AVIL: variants seen among roughly 807,000 people sequenced by gnomAD.
The protein encoded by AVIL is advillin.
Under a neutral mutation model 109.9 loss-of-function variants are expected in AVIL, and 78 were observed. The observed-to-expected ratio is 0.71, with a 90% CI of 0.59 to 0.86. The LOEUF (loss-of-function observed/expected upper bound fraction) is 0.86, where lower values mean the gene tolerates loss of function less well. Among genes scored for constraint, AVIL ranks in the 40% least tolerant of loss-of-function variants. AVIL has a pLI of 0.00. For missense variants in AVIL, 892 were observed against 1,016.5 expected (o/e 0.88, Z 1.67); for synonymous variants, 367 against 379.1 (o/e 0.97, Z 0.37).
chr12:57,811,654 A>G (rs2140456905), intron 4 of AVIL, among the ~76,000 whole-genome samples: 1 of 152,254 alleles, frequency 6.6e-6, no homozygotes, highest in East Asian at 1.9e-4. Flanking sequence ...GCCCTGGAGC[A>G]GAGGGGCTCT....
At chr12:57,817,225 TG>T (rs1391113974) in intron 1 of AVIL, among the ~76,000 whole-genome samples, 2 of 152,028 alleles carry the variant, frequency 1.3e-5, no homozygotes, top group Non-Finnish European at 2.9e-5. Context: ...GATGGATTTA[TG>T]TAAGATTTAA....
At position 57,810,303 on chromosome 12, in the gene AVIL, T is replaced by A. The variant is rs763737242; in HGVS notation, c.761+46A>T. On this transcript the variant is annotated intron_variant, in intron 7 of 19. Transcript: ENST00000549994. The stretch of plus-strand genomic sequence containing the variant: ...GTGGCTGGTGTTCTAGGGGACACCT[T>A]CCCCCCAACCCCAGCTTCCAGCTAA... The A allele has an allele frequency of 9.5e-6, 15 of 1,577,494 alleles. 1 individual carries two copies. In the South Asian group the frequency reaches 1.7e-4, roughly 17 times the overall value.
At position 57,807,681 on chromosome 12, in the gene AVIL, C is replaced by T; in HGVS notation, c.1241G>A (p.Trp414Ter). 1 of 1,614,138 alleles carries T rather than the reference C, an allele frequency of 6.2e-7. No homozygotes were observed. The highest frequency in any genetic ancestry group is 8.5e-7 in the Non-Finnish European group (1 of 1,180,042). Residue 414 changes from tryptophan (W) to a stop codon, truncating the protein, a stop_gained, in exon 12 of 20, where the codon TGG becomes TAG. Coordinates refer to ENST00000549994, the MANE Select transcript of AVIL (RefSeq NM_006576.4). LOFTEE classifies it high-confidence loss of function. ...NLELVPVEYQ[W>*]YGFFYGGDCY... is the part of the protein sequence containing the mutation. ...GTCTCCCCCATAAAAGAAGCCATAC[C>T]ATTGATACTCCACAGGGACCAGCTC...
rs144854882 is a variant in AVIL, at chr12:57,799,868, T to C, written c.2273A>G (p.Tyr758Cys). 7.9e-5 allele frequency: 127 copies of C among 1,614,160 alleles called. No homozygotes were observed. Among genetic ancestry groups the C allele is most frequent in the Middle Eastern group, 4.9e-4 (3 of 6,062 alleles). ...SLNSNDSEPK[Y>C]YPIAVLLKNQ... The stretch of plus-strand genomic sequence containing the variant: ...TTTCAACAGAACTGCTATAGGGTAA[T>C]ATTTTGGCTCACTGTCATTAGAATT... The change falls in exon 19 of 20, where the codon TAT becomes TGT. Residue 758 changes from tyrosine (Y) to cysteine (C), a missense_variant. Coordinates refer to ENST00000549994, the MANE Select transcript of AVIL (RefSeq NM_006576.4).
At chr12:57,806,337 G>C (rs770606856) in intron 14 of AVIL, 23 bp downstream of exon 14, 1 of 1,613,440 alleles carries the variant, frequency 6.2e-7, no homozygotes, top group African/African-American at 1.3e-5. Flanking sequence ...GGGCTGGTCT[G>C]ACCCGGGGCC....
intron 3 of AVIL, 113 bp from the exon 4 acceptor site, chr12:57,813,536 C>T (rs942124783): frequency 1.9e-6 from 2 of 1,056,564 alleles, no homozygotes; most frequent in African/African-American, 1.6e-5. Context: ...GACTGAGGGC[C>T]CTCTCTCCTG....
At chr12:57,813,189 C>G (rs760077269) in intron 4 of AVIL, 38 bp downstream of exon 4, 2 of 1,564,244 alleles carry the variant, frequency 1.3e-6, no homozygotes, top group Admixed American at 3.7e-5. Context: ...CCTCTGTAAA[C>G]TGCTGTTTCT....
chr12:57,810,343 A>C lies in AVIL; in HGVS notation c.761+6T>G, dbSNP rs769082152. 11 of 1,614,072 alleles carry C rather than the reference A, an allele frequency of 6.8e-6. No individual in the cohort carries two copies. Among genetic ancestry groups the C allele is most frequent in the Non-Finnish European group, 8.5e-6 (10 of 1,179,944 alleles). On this transcript the variant is annotated splice_donor_region_variant and intron_variant, in intron 7 of 19. Coordinates refer to ENST00000549994, the MANE Select transcript of AVIL (RefSeq NM_006576.4). ...CTTCCAGCTAAAACCAGGTTGAGCT[A>C]CTCACTGATACAACATGATAGTTGA...
In AVIL at chr12:57,809,657, G is replaced by A. The variant is rs368488058; in HGVS notation, c.879C>T (p.Tyr293=). The change falls in exon 9 of 20, where the codon TAC becomes TAT. Residue 293 remains tyrosine (Y), a synonymous_variant. Transcript: ENST00000549994. Reference sequence around the variant, plus strand: ...TTGTGGCTCCTTTTCCTTTCCACACGTAGATTTTGGTTCCACTTTGGTCCA... The same window carrying A: ...TTGTGGCTCCTTTTCCTTTCCACACATAGATTTTGGTTCCACTTTGGTCCA... ...YILDQSGTKI[Y]VWKGKGATKA... is the part of the protein sequence containing the mutation. 9.3e-6 allele frequency: 15 copies of A among 1,614,008 alleles called. No individual in the cohort carries two copies. The East Asian group carries it at 1.6e-4, about 17-fold the overall frequency.
rs1955969757 is a variant in AVIL at position 57,807,587 on chromosome 12, T to C, written c.1332+3A>G. On this transcript the variant is annotated splice_donor_region_variant and intron_variant, in intron 12 of 19. Coordinates refer to ENST00000549994, the MANE Select transcript of AVIL (RefSeq NM_006576.4). Reference sequence around the variant, plus strand: ...CCAAAGCTGAAGCCTGTGCCAGGCCTACCTGCCAGATGTACAAGATGTGAT... The same window carrying C: ...CCAAAGCTGAAGCCTGTGCCAGGCCCACCTGCCAGATGTACAAGATGTGAT... 1 of 1,614,252 alleles carries C rather than the reference T, an allele frequency of 6.2e-7. No homozygotes were observed. The highest frequency in any genetic ancestry group is 8.5e-7 in the Non-Finnish European group (1 of 1,180,042).
intron 7 of AVIL, among the ~76,000 whole-genome samples, 169 bp downstream of exon 7, chr12:57,810,180 C>T (rs1956016589): frequency 6.6e-6 from 1 of 152,114 alleles, no homozygotes; most frequent in Non-Finnish European, 1.5e-5. Flanking sequence ...AGAACTGCCT[C>T]CTTGAGTGGG....
Position 57,808,403 on chromosome 12 carries a change from C to A in AVIL, c.1085G>T (p.Gly362Val). The stretch of plus-strand genomic sequence containing the variant: ...TCTGGGGGCAGTCTCACCAATTTTA[C>A]CAATGCTGAACGTTTTCCCCAGGCC... ...TMGLGKTFSI[G>V]KIAKVFQDKF... Residue 362 changes from glycine (G) to valine (V), a missense_variant, in exon 10 of 20, where the codon GGT becomes GTT. Coordinates refer to ENST00000549994, the MANE Select transcript of AVIL (RefSeq NM_006576.4). 1 of 1,614,166 alleles carries A rather than the reference C, an allele frequency of 6.2e-7. No individual in the cohort carries two copies. The highest frequency in any genetic ancestry group is 1.1e-5 in the South Asian group (1 of 91,080).
At chr12:57,815,566 G>A in intron 2 of AVIL, 2 of 1,239,672 alleles carry the variant, frequency 1.6e-6, no homozygotes, top group Non-Finnish European at 2.1e-6. Flanking sequence ...CATCTCTGCA[G>A]TGCCCCCTCA....
chr12:57,798,508 T>C (rs950934708), intron 19 of AVIL, among the ~76,000 whole-genome samples: 1 of 152,200 alleles, frequency 6.6e-6, no homozygotes, highest in Non-Finnish European at 1.5e-5. Context: ...TCAAGAAAAT[T>C]GTAGTCCAGA....
intron 1 of AVIL, among the ~76,000 whole-genome samples, chr12:57,817,774 CGA>C (rs1555209166): frequency 6.6e-6 from 1 of 152,024 alleles, no homozygotes; most frequent in Non-Finnish European, 1.5e-5. Flanking sequence ...ACCCCGAATG[CGA>C]GAGGATAAGC....
Position 57,810,837 on chromosome 12 carries a change from G to T in AVIL, c.537C>A (p.Ser179Arg), listed in dbSNP as rs1956027250. The T allele has an allele frequency of 1.2e-6, 2 of 1,614,188 alleles. No individual in the cohort carries two copies. Among genetic ancestry groups the T allele is most frequent in the Non-Finnish European group, 1.7e-6 (2 of 1,180,038 alleles). ...ATACCTTCAGGCGCTCCCCACTGTT[G>T]CTCTCTGGGCCATTCCATTGGATGA... Reference protein sequence around the residue: ...KVIIQWNGPESNSGERLKAML... With the variant: ...KVIIQWNGPERNSGERLKAML... Residue 179 changes from serine to arginine, a missense_variant, in exon 6 of 20, where the codon AGC becomes AGA. Ser to Arg is a moderately radical substitution (Grantham distance 110). Coordinates refer to ENST00000549994, the MANE Select transcript of AVIL (RefSeq NM_006576.4).
chr12:57,816,005 G>A lies in AVIL; in HGVS notation c.36C>T (p.Asn12=), dbSNP rs148769359. 7,423 of 1,614,148 alleles carry A rather than the reference G, an allele frequency of 4.6e-3. 100 individuals carry two copies. Among genetic ancestry groups the A allele is most frequent in the Middle Eastern group, 0.024 (147 of 6,054 alleles). ...TTCTCCAGACAATGATCCCAGGGTCGTTGTCCACAGCCCTGAAGGCACTGG... is the reference window on the plus strand; with the variant it reads ...TTCTCCAGACAATGATCCCAGGGTCATTGTCCACAGCCCTGAAGGCACTGG... ...PLTSAFRAVD[N]DPGIIVWRIE... is the part of the protein sequence containing the mutation. Residue 12 remains asparagine, a synonymous_variant, in exon 2 of 20, where the codon AAC becomes AAT. Transcript: ENST00000549994.
At chr12:57,803,722 T>G (rs1170672907) in intron 14 of AVIL, 53 bp from the exon 15 acceptor site, 1 of 1,590,808 alleles carries the variant, frequency 6.3e-7, no homozygotes. Flanking sequence ...GGCACTTCGA[T>G]GTGGAAAGAA....
At chr12:57,802,681 A>C in intron 16 of AVIL, 1 of 628,928 alleles carries the variant, frequency 1.6e-6, no homozygotes, top group South Asian at 1.8e-5. Flanking sequence ...GCTCTTCTTT[A>C]CTAAACTTGT....
Sources: allele counts gnomAD v4.1 joint callset (sites outside exome capture counted in the v4.1 genomes callset), GRCh38; gene constraint gnomAD v4.1.1; transcripts MANE v1.5; gene names NCBI Gene and HGNC (gene_info 2026-07-23, HGNC 2026-07-21).